Variants in PTPRN2 observed in about 807,000 individuals in gnomAD.
PTPRN2 encodes protein tyrosine phosphatase receptor type N2, also known as receptor-type tyrosine-protein phosphatase N2.
Under a neutral mutation model 118.8 loss-of-function variants are expected in PTPRN2, and 74 were observed. The ratio of observed to expected loss-of-function variants is 0.62; its 90% CI spans 0.52 to 0.76. The LOEUF is 0.76. PTPRN2 is among the 30% of genes least tolerant of loss of function. The pLI, the probability that PTPRN2 is intolerant of heterozygous loss-of-function variation, is 0.00. For missense variants in PTPRN2, 1,481 were observed against 1,394.4 expected, an observed-to-expected ratio of 1.06 and a Z score of -0.99; for synonymous variants, 641 against 608.0, an observed-to-expected ratio of 1.05 and a Z score of -0.80.
chr7:158,177,209 C>A (rs2335836), intron 5 of PTPRN2, among the ~76,000 whole-genome samples: 3 of 152,070 alleles, frequency 2.0e-5, no homozygotes, highest in East Asian at 1.9e-4. Flanking sequence ...TTGCATTCCC[C>A]CTAATTTGAG....
chr7:157,934,354 G>T (rs762516701), intron 11 of PTPRN2, among the ~76,000 whole-genome samples: 6 of 152,226 alleles, frequency 3.9e-5, no homozygotes, highest in Non-Finnish European at 5.9e-5. Context: ...AATGTGAGAA[G>T]ATTTCAGTAT....
rs529407075 is a variant in PTPRN2 at position 158,033,306 on chromosome 7, G to C, written c.1723+47992C>G. On this transcript the variant is annotated intron_variant, in intron 11 of 22. Transcript: ENST00000389418. ...GGATGTGGGACGAGAGAATGAGGAA[G>C]AAACGAGTCGGTGATTAGCTGGAAT... 2.0e-5 allele frequency among the ~76,000 whole-genome samples: 3 copies of C among 152,306 alleles called. No homozygotes were observed. In the East Asian group the frequency reaches 5.8e-4, roughly 30 times the overall value.
intron 12 of PTPRN2, among the ~76,000 whole-genome samples, chr7:157,742,311 A>G (rs1366254506): frequency 6.6e-6 from 1 of 152,214 alleles, no homozygotes; most frequent in Non-Finnish European, 1.5e-5. Flanking sequence ...GTAACCAGCT[A>G]CTTAACTGTA....
intron 9 of PTPRN2, 73 bp downstream of exon 9, chr7:158,133,604 G>A (rs1818551936): frequency 6.7e-7 from 1 of 1,499,254 alleles, no homozygotes; most frequent in Non-Finnish European, 8.8e-7. Flanking sequence ...ACAGCAAGGA[G>A]GCGCCCCACC....
chr7:157,668,585 A>T (rs1311448025), intron 13 of PTPRN2, among the ~76,000 whole-genome samples: 1 of 152,212 alleles, frequency 6.6e-6, no homozygotes, highest in Non-Finnish European at 1.5e-5. Flanking sequence ...TCCAGACTGG[A>T]CGTGGCACCA....
At chr7:158,363,976 C>T (rs371580505) in intron 2 of PTPRN2, among the ~76,000 whole-genome samples, 2 of 152,184 alleles carry the variant, frequency 1.3e-5, no homozygotes, top group East Asian at 1.9e-4. Flanking sequence ...GACACACACA[C>T]GCTTCCCCAG....
intron 1 of PTPRN2, among the ~76,000 whole-genome samples, chr7:158,522,709 C>G (rs911151926): frequency 2.6e-5 from 4 of 152,170 alleles, no homozygotes; most frequent in African/African-American, 9.7e-5. Flanking sequence ...GTGAGGCACT[C>G]GGACCACCGG....
rs773006688 is a variant in PTPRN2, at chr7:158,073,870, G to C, written c.1723+7428C>G. On this transcript the variant is annotated intron_variant, in intron 11 of 22. Coordinates refer to ENST00000389418, the MANE Select transcript of PTPRN2 (RefSeq NM_002847.5). ...AAAACAGAGAGCCAAGTGGACAGCA[G>C]GCTCCTCCAGCAAAACCTGAGGCCT... Among the ~76,000 whole-genome samples, 27 of 152,346 alleles carry C rather than the reference G, an allele frequency of 1.8e-4. No individual in the cohort carries two copies. The Middle Eastern group carries it at 0.01, about 58-fold the overall frequency.
In PTPRN2 at chr7:158,550,185, C is replaced by T. The variant is rs149410655; in HGVS notation, c.112+37373G>A. ...GATTGACTCCTCGAGCTCCTCGGAG[C>T]CCCAGCGGGTGCCACTGCCCGCCGG... On this transcript the variant is annotated intron_variant, in intron 1 of 22. Coordinates refer to ENST00000389418, the MANE Select transcript of PTPRN2 (RefSeq NM_002847.5). Among the ~76,000 whole-genome samples the T allele has an allele frequency of 6.5e-3, 985 of 152,304 alleles. 4 individuals are homozygous for T. Among genetic ancestry groups the T allele is most frequent in the Non-Finnish European group, 0.011 (737 of 68,026 alleles).
chr7:158,146,260 T>A (rs942569370), intron 6 of PTPRN2, among the ~76,000 whole-genome samples: 1 of 152,116 alleles, frequency 6.6e-6, no homozygotes, highest in Admixed American at 6.6e-5. Flanking sequence ...AACTATTTTC[T>A]GCCAAAATAT....
chr7:158,319,595 G>A (rs965952451), intron 2 of PTPRN2, among the ~76,000 whole-genome samples: 38 of 8,332 alleles, frequency 4.6e-3, no homozygotes, highest in Admixed American at 5.9e-3. Flanking sequence ...CCTCACACAC[G>A]CACACAGCCT....
At chr7:157,919,125 A>G (rs924640073) in intron 11 of PTPRN2, among the ~76,000 whole-genome samples, 3 of 152,246 alleles carry the variant, frequency 2.0e-5, no homozygotes, top group East Asian at 1.9e-4. Flanking sequence ...AGAGAATTCA[A>G]TAGCGACTGA....
chr7:157,878,127 G>A (rs1252756890), intron 12 of PTPRN2, among the ~76,000 whole-genome samples: 1 of 152,212 alleles, frequency 6.6e-6, no homozygotes. Context: ...GAATTTATAA[G>A]TGTAAGAGAG....
intron 5 of PTPRN2, among the ~76,000 whole-genome samples, chr7:158,181,467 A>C (rs1824699928): frequency 2.0e-5 from 3 of 152,154 alleles, no homozygotes; most frequent in Non-Finnish European, 4.4e-5. Context: ...TTAGTTAGGG[A>C]GGATTCTCTC....
intron 4 of PTPRN2, among the ~76,000 whole-genome samples, chr7:158,202,565 G>GA (rs1277085445): frequency 6.6e-6 from 1 of 152,182 alleles, no homozygotes; most frequent in Non-Finnish European, 1.5e-5. Flanking sequence ...GGACCCGATG[G>GA]AGCTTACAGG....
At chr7:158,356,131 T>C (rs1808367726) in intron 2 of PTPRN2, among the ~76,000 whole-genome samples, 1 of 152,234 alleles carries the variant, frequency 6.6e-6, no homozygotes, top group Non-Finnish European at 1.5e-5. Context: ...ATTAAAGTTT[T>C]CACAGTTGGG....
At chr7:157,892,906 A>T (rs1250744780) in intron 12 of PTPRN2, among the ~76,000 whole-genome samples, 1 of 152,222 alleles carries the variant, frequency 6.6e-6, no homozygotes, top group African/African-American at 2.4e-5. Flanking sequence ...GTTTCCTCTG[A>T]AGGCAGAACC....
chr7:158,070,822 GTGGTGGTGGAGGTGCCCA>G (rs1563388111), intron 11 of PTPRN2, among the ~76,000 whole-genome samples: 1 of 104,850 alleles, frequency 9.5e-6, no homozygotes, highest in Non-Finnish European at 1.8e-5. Context: ...GAAGGTGCCC[GTGGTGGTGGAGGTGCCCA>G]TGGTGGTATG....
chr7:157,688,842 C>G (rs1302813272), intron 12 of PTPRN2, among the ~76,000 whole-genome samples: 1 of 152,230 alleles, frequency 6.6e-6, no homozygotes, highest in African/African-American at 2.4e-5. Context: ...CCCGCTTCCC[C>G]GTCCCTCCCC....
Sources: allele counts gnomAD v4.1 joint callset (sites outside exome capture counted in the v4.1 genomes callset), GRCh38; gene constraint gnomAD v4.1.1; transcripts MANE v1.5; gene names NCBI Gene and HGNC (gene_info 2026-07-23, HGNC 2026-07-21).